Variants in ATG12 observed in about 807,000 individuals in gnomAD.
The protein encoded by ATG12 is autophagy related 12.
ATG12 carries 19 observed loss-of-function variants against 17.6 expected under a neutral mutation model. The ratio of observed to expected loss-of-function variants is 1.08; its 90% CI spans 0.75 to 1.58. ATG12 has a LOEUF of 1.58. Among genes scored for constraint, ATG12 ranks in the 40% most tolerant of loss-of-function variants. The pLI, the probability that ATG12 is intolerant of heterozygous loss-of-function variation, is 0.00. For missense variants in ATG12, 214 were observed against 162.0 expected, an observed-to-expected ratio of 1.32 and a Z score of -1.74; for synonymous variants, 75 against 62.4, an observed-to-expected ratio of 1.20 and a Z score of -0.95.
Position 115,830,566 on chromosome 5 carries a change from T to TG in ATG12, c.*1237dup, listed in dbSNP as rs941970684. 2 of 152,100 alleles carry TG rather than the reference T, an allele frequency of 1.3e-5. No homozygotes were observed. Among genetic ancestry groups the TG allele is most frequent in the South Asian group, 2.1e-4 (1 of 4,828 alleles). 9.4% of individuals were successfully genotyped at this position (152,100 alleles called of 1,614,324 possible). ...ATGCCTTTTTTTTTCTTTTTTGAGA[T>TG]GGGGTCTCACTCTGTTGCTCAGCAG... is the stretch of plus-strand genomic sequence containing the variant. On this transcript the variant is annotated 3_prime_UTR_variant, in exon 4 of 4. Coordinates refer to ENST00000509910, the MANE Select transcript of ATG12 (RefSeq NM_004707.4).
chr5:115,834,760 C>T (rs1035538045), intron 2 of ATG12, among the ~76,000 whole-genome samples: 7 of 152,156 alleles, frequency 4.6e-5, no homozygotes, highest in Admixed American at 4.6e-4. Context: ...TGACGACAGC[C>T]TAACTTTCTA....
chr5:115,840,640 A>G, intron 1 of ATG12: 1 of 1,254,730 alleles, frequency 8.0e-7, no homozygotes, highest in East Asian at 5.8e-5. Context: ...AAAACGTCTA[A>G]GGACGAAATC....
chr5:115,840,872 C>CT (rs1561456490), intron 1 of ATG12: 1 of 1,286,326 alleles, frequency 7.8e-7, no homozygotes, highest in Admixed American at 2.3e-5. Flanking sequence ...TTAGCTTTCC[C>CT]TTAGCAGTCT....
chr5:115,835,738 T>C (rs6594906), intron 2 of ATG12, among the ~76,000 whole-genome samples: 55,793 of 151,884 alleles, frequency 0.37, 12,997 homozygotes, highest in African/African-American at 0.65. Flanking sequence ...TCTATTAGCG[T>C]TTTTGAGGTT....
chr5:115,834,543 C>CT (rs951547474), intron 2 of ATG12, among the ~76,000 whole-genome samples: 12 of 152,100 alleles, frequency 7.9e-5, no homozygotes, highest in African/African-American at 2.4e-4. Context: ...TTTAAATCAG[C>CT]TTTTTTTTCT....
chr5:115,831,986 G>C (rs1046821323), intron 3 of ATG12, 123 bp from the exon 4 acceptor site: 28 of 859,268 alleles, frequency 3.3e-5, no homozygotes, highest in Non-Finnish European at 4.3e-5. Flanking sequence ...CTATGTTACA[G>C]GCTATCTCTT....
chr5:115,835,129 T>G (rs1293873151), intron 2 of ATG12: 1 of 152,198 alleles, frequency 6.6e-6, no homozygotes, highest in Non-Finnish European at 1.5e-5. Context: ...CATTTCTTAG[T>G]TTTACTAATG....
chr5:115,832,708 G>A, intron 2 of ATG12, 44 bp from the exon 3 acceptor site: 1 of 1,436,082 alleles, frequency 7.0e-7, no homozygotes, highest in Non-Finnish European at 9.2e-7. Context: ...ATGGTATCCT[G>A]ATTAATCTGC....
In ATG12 at chr5:115,832,542, G is replaced by A. The variant is rs946766469; in HGVS notation, c.363+60C>T. ...ACATATTATACAGATGTGCATACTC[G>A]ATTAAGAAAAAAAAGCAGTAATTTC... On this transcript the variant is annotated intron_variant, in intron 3 of 3. Coordinates refer to ENST00000509910, the MANE Select transcript of ATG12 (RefSeq NM_004707.4). The A allele has an allele frequency of 4.3e-6, 6 of 1,395,984 alleles. No homozygotes were observed. The South Asian group carries it at 4.3e-5, about 10-fold the overall frequency. The allele number at this position is 1,395,984 out of a possible 1,614,324, so 86.5% of individuals were successfully genotyped here.
chr5:115,841,548 G>C lies in ATG12; in HGVS notation c.5C>G (p.Ala2Gly). 1 of 1,613,696 alleles carries C rather than the reference G, an allele frequency of 6.2e-7. No homozygotes were observed. The highest frequency in any genetic ancestry group is 8.5e-7 in the Non-Finnish European group (1 of 1,179,848). The change falls in exon 1 of 4, where the codon GCG becomes GGG. Residue 2 changes from alanine (A) to glycine (G), a missense_variant. Coordinates refer to ENST00000509910, the MANE Select transcript of ATG12 (RefSeq NM_004707.4). Reference sequence around the variant, plus strand: ...CTGCAACACAGACTGCGGCTCCTCCGCCATCTTGCTTGGAGACACTCGAGA... The same window carrying C: ...CTGCAACACAGACTGCGGCTCCTCCCCCATCTTGCTTGGAGACACTCGAGA... The part of the protein sequence containing the change: M[A>G]EEPQSVLQLP...
rs1261173969 is a variant in ATG12, at chr5:115,828,653, C to T, written c.*3151G>A. ...ATATTTTCCATTACCTTCTGCTGTACAAAAACTTAAACTATACAAAATTTC... is the reference window on the plus strand; with the variant it reads ...ATATTTTCCATTACCTTCTGCTGTATAAAAACTTAAACTATACAAAATTTC... On this transcript the variant is annotated 3_prime_UTR_variant, in exon 4 of 4. Transcript: ENST00000509910. 6.6e-6 allele frequency: 1 copy of T among 152,126 alleles called. No individual in the cohort carries two copies. Among genetic ancestry groups the T allele is most frequent in the East Asian group, 1.9e-4 (1 of 5,202 alleles). 9.4% of individuals were successfully genotyped at this position (152,126 alleles called of 1,614,324 possible).
At chr5:115,834,978 C>T (rs777374973) in intron 2 of ATG12, 1 of 152,160 alleles carries the variant, frequency 6.6e-6, no homozygotes, top group Non-Finnish European at 1.5e-5. Context: ...TTCACAGACT[C>T]TTGTCCAAAG....
chr5:115,828,290 G>C lies in ATG12; in HGVS notation c.*3514C>G, dbSNP rs1345538937. ...GAATGACAGGTTATACGAACAAACT[G>C]AAGTTTATACTTACGTTTCAAGGTT... On this transcript the variant is annotated 3_prime_UTR_variant, in exon 4 of 4. Coordinates refer to ENST00000509910, the MANE Select transcript of ATG12 (RefSeq NM_004707.4). 6.6e-6 allele frequency: 1 copy of C among 152,098 alleles called. No individual in the cohort carries two copies. The highest frequency in any genetic ancestry group is 1.5e-5 in the Non-Finnish European group (1 of 68,008). The allele number at this position is 152,098 out of a possible 1,614,324, so 9.4% of individuals were successfully genotyped here.
In ATG12 at chr5:115,828,807, A is replaced by G. The variant is rs1446187799; in HGVS notation, c.*2997T>C. 1 of 152,238 alleles carries G rather than the reference A, an allele frequency of 6.6e-6. No individual in the cohort carries two copies. The highest frequency in any genetic ancestry group is 2.4e-5 in the African/African-American group (1 of 41,470). The allele number at this position is 152,238 out of a possible 1,614,324, so 9.4% of individuals were successfully genotyped here. A position where few individuals can be genotyped will look rare whatever the true frequency, so the allele number is the denominator to read the frequency against. Reference sequence around the variant, plus strand: ...GTGTGGGTACCAGATAAAAACCAGAATAACTGGACACATGGCTCTGAGGCA... The same window carrying G: ...GTGTGGGTACCAGATAAAAACCAGAGTAACTGGACACATGGCTCTGAGGCA... On this transcript the variant is annotated 3_prime_UTR_variant, in exon 4 of 4. Transcript: ENST00000509910.
In ATG12 at chr5:115,830,728, G is replaced by A. The variant is rs1283773529; in HGVS notation, c.*1076C>T. 1 of 151,950 alleles carries A rather than the reference G, an allele frequency of 6.6e-6. No individual in the cohort carries two copies. Among genetic ancestry groups the A allele is most frequent in the African/African-American group, 2.4e-5 (1 of 41,354 alleles). The allele number at this position is 151,950 out of a possible 1,614,324, so 9.4% of individuals were successfully genotyped here. The stretch of plus-strand genomic sequence containing the variant: ...TTGGGGATCTTGCCTTGCTAACCAG[G>A]CTGGTCTCAAACTTGTGGCTTCACG... On this transcript the variant is annotated 3_prime_UTR_variant, in exon 4 of 4. Coordinates refer to ENST00000509910, the MANE Select transcript of ATG12 (RefSeq NM_004707.4).
intron 2 of ATG12, among the ~76,000 whole-genome samples, chr5:115,834,635 T>G (rs1296352772): frequency 1.3e-5 from 2 of 152,246 alleles, no homozygotes; most frequent in Non-Finnish European, 2.9e-5. Flanking sequence ...GGATTCCTCA[T>G]GGTTCACTGG....
At position 115,830,140 on chromosome 5, in the gene ATG12, A is replaced by C. The variant is rs1320891427; in HGVS notation, c.*1664T>G. 6.6e-6 allele frequency: 1 copy of C among 151,670 alleles called. No homozygotes were observed. The highest frequency in any genetic ancestry group is 1.5e-5 in the Non-Finnish European group (1 of 67,914). The allele number at this position is 151,670 out of a possible 1,614,324, so 9.4% of individuals were successfully genotyped here. On this transcript the variant is annotated 3_prime_UTR_variant, in exon 4 of 4. Transcript: ENST00000509910. ...CTCTTTAAAAAAAAAAAAAAAAAAAAAAAGTGCAAAGTCCTATGTATTCTT... is the reference window on the plus strand; with the variant it reads ...CTCTTTAAAAAAAAAAAAAAAAAAACAAAGTGCAAAGTCCTATGTATTCTT...
intron 1 of ATG12, 50 bp from the exon 2 acceptor site, chr5:115,837,814 G>C: frequency 2.7e-6 from 4 of 1,478,690 alleles, no homozygotes; most frequent in South Asian, 1.3e-5. Flanking sequence ...AACATCTAAA[G>C]AGAATGGAAT....
In ATG12 at chr5:115,829,685, AAATT is replaced by A. The variant is rs1397688207; in HGVS notation, c.*2115_*2118del. ...AGACTTGAGAGTTTAAATTAAAAAT[AAATT>A]GTGTTGTAGGTTCTAGTCACCCAAT... On this transcript the variant is annotated 3_prime_UTR_variant, in exon 4 of 4. Coordinates refer to ENST00000509910, the MANE Select transcript of ATG12 (RefSeq NM_004707.4). 1.3e-5 allele frequency: 2 copies of A among 152,256 alleles called. No individual in the cohort carries two copies. Among genetic ancestry groups the A allele is most frequent in the Non-Finnish European group, 2.9e-5 (2 of 68,044 alleles). 9.4% of individuals were successfully genotyped at this position (152,256 alleles called of 1,614,324 possible). A position where few individuals can be genotyped will look rare whatever the true frequency, so the allele number is the denominator to read the frequency against.
Sources: gnomAD v4.1 joint callset for allele counts (sites outside exome capture counted in the v4.1 genomes callset) on GRCh38, gnomAD v4.1.1 for gene constraint, MANE v1.5 for transcripts, NCBI Gene and HGNC (gene_info 2026-07-23, HGNC 2026-07-21) for gene names.